DLG2: variants seen among roughly 807,000 people sequenced by gnomAD.
The protein encoded by DLG2 is discs large MAGUK scaffold protein 2.
In DLG2, 45 loss-of-function variants were observed where a neutral mutation model predicts 132.5. That is an observed-to-expected ratio of 0.34 (90% CI 0.27 to 0.44). The LOEUF is 0.44. Among genes scored for constraint, DLG2 ranks in the 20% least tolerant of loss-of-function variants. The pLI, the probability that DLG2 is intolerant of heterozygous loss-of-function variation, is 1.00. For synonymous variants in DLG2, 424 were observed against 419.6 expected, an observed-to-expected ratio of 1.01 and a Z score of -0.13; for missense variants, 1,045 against 1,196.9, an observed-to-expected ratio of 0.87 and a Z score of 1.87.
chr11:84,070,037 C>T (rs1263645611), intron 10 of DLG2, among the ~76,000 whole-genome samples: 1 of 152,216 alleles, frequency 6.6e-6, no homozygotes, highest in Admixed American at 6.5e-5. Flanking sequence ...TAATTAGCCC[C>T]TCTCCATTTC....
intron 8 of DLG2, among the ~76,000 whole-genome samples, chr11:84,220,806 G>T (rs2096904070): frequency 8.3e-6 from 1 of 120,436 alleles, no homozygotes; most frequent in Non-Finnish European, 1.6e-5. Context: ...TTTTTTGACA[G>T]GGTCTAGCTC....
At chr11:84,427,869 A>G (rs2098972061) in intron 7 of DLG2, among the ~76,000 whole-genome samples, 1 of 152,202 alleles carries the variant, frequency 6.6e-6, no homozygotes, top group Admixed American at 6.5e-5. Flanking sequence ...ACCCTGGTGA[A>G]AAGTTACCAG....
intron 3 of DLG2, among the ~76,000 whole-genome samples, chr11:85,447,480 C>A (rs2092062300): frequency 2.0e-5 from 3 of 152,074 alleles, no homozygotes; most frequent in Admixed American, 2.0e-4. Context: ...AGAAGGAAGA[C>A]CATATGACAA....
At chr11:84,480,938 G>A (rs117778069) in intron 7 of DLG2, among the ~76,000 whole-genome samples, 5 of 151,764 alleles carry the variant, frequency 3.3e-5, no homozygotes, top group Admixed American at 1.3e-4. Context: ...GGGATTTCAC[G>A]ATGTTGGCCA....
At chr11:85,505,868 AG>A (rs2093919281) in intron 3 of DLG2, among the ~76,000 whole-genome samples, 1 of 152,164 alleles carries the variant, frequency 6.6e-6, no homozygotes, top group African/African-American at 2.4e-5. Context: ...TGTGGTTGGT[AG>A]GCTATTAATT....
At chr11:85,435,940 C>A (rs1222220418) in intron 3 of DLG2, among the ~76,000 whole-genome samples, 1 of 152,112 alleles carries the variant, frequency 6.6e-6, no homozygotes, top group Non-Finnish European at 1.5e-5. Context: ...ACCAAAACAG[C>A]ATGGTACTAG....
At chr11:84,711,005 T>C (rs201264814) in intron 6 of DLG2, among the ~76,000 whole-genome samples, 1 of 64,376 alleles carries the variant, frequency 1.6e-5, no homozygotes, top group Non-Finnish European at 3.1e-5. Context: ...TTCATATATA[T>C]ATAGATATAT....
chr11:84,844,358 C>T (rs1389191452), intron 6 of DLG2, among the ~76,000 whole-genome samples: 2 of 151,494 alleles, frequency 1.3e-5, no homozygotes, highest in African/African-American at 4.8e-5. Context: ...AGAATACATA[C>T]AAAATGGGTA....
chr11:84,397,151 C>T (rs548920291), intron 7 of DLG2, among the ~76,000 whole-genome samples: 4 of 152,104 alleles, frequency 2.6e-5, no homozygotes, highest in South Asian at 4.2e-4. Flanking sequence ...AGGAAAAAGA[C>T]CTCAAGGAGG....
rs572067964 is a variant in DLG2 at position 85,175,986 on chromosome 11, A to G, written c.187-21335T>C. Among the ~76,000 whole-genome samples, 223 of 152,370 alleles carry G rather than the reference A, an allele frequency of 1.5e-3. 2 individuals carry two copies. Among genetic ancestry groups the G allele is most frequent in the Admixed American group, 2.0e-4 (3 of 15,306 alleles). On this transcript the variant is annotated intron_variant, in intron 4 of 27. Coordinates refer to ENST00000376104, the MANE Select transcript of DLG2 (RefSeq NM_001142699.3). The stretch of plus-strand genomic sequence containing the variant: ...AGAGGACAAAAACAAATGAAAAAAC[A>G]TTCCATGCTCATGGAGAGGAAGAAT...
In DLG2 at chr11:84,780,997, C is replaced by CAAAAAAAA. The variant is rs372443245; in HGVS notation, c.358-246274_358-246267dup. Among the ~76,000 whole-genome samples the CAAAAAAAA allele has an allele frequency of 1.2e-4, 11 of 93,974 alleles. 3 individuals carry two copies. The highest frequency in any genetic ancestry group is 1.1e-4 in the Admixed American group (1 of 8,780). 61.7% of individuals were successfully genotyped at this position (93,974 alleles called of 152,430 possible). A position where few individuals can be genotyped will look rare whatever the true frequency, so the allele number is the denominator to read the frequency against. On this transcript the variant is annotated intron_variant, in intron 6 of 27. Coordinates refer to ENST00000376104, the MANE Select transcript of DLG2 (RefSeq NM_001142699.3). ...TGAAGTGCTTTACTCCAGGATTGTACAAAAAAAAAAAAAAAAAGCGACAAG... is the reference window on the plus strand; with the variant it reads ...TGAAGTGCTTTACTCCAGGATTGTACAAAAAAAAAAAAAAAAAAAAAAAAAGCGACAAG...
At chr11:84,488,062 T>C (rs1249199666) in intron 7 of DLG2, among the ~76,000 whole-genome samples, 1 of 152,152 alleles carries the variant, frequency 6.6e-6, no homozygotes, top group Non-Finnish European at 1.5e-5. Flanking sequence ...ATCTTTGTGT[T>C]CTCTTTCTCT....
chr11:84,964,190 G>GA lies in DLG2; in HGVS notation c.357+147470dup, dbSNP rs202061288. 9.3e-3 allele frequency among the ~76,000 whole-genome samples: 1,404 copies of GA among 151,330 alleles called. 23 individuals are homozygous for GA. Among genetic ancestry groups the GA allele is most frequent in the African/African-American group, 0.031 (1,261 of 41,326 alleles). On this transcript the variant is annotated intron_variant, in intron 6 of 27. Coordinates refer to ENST00000376104, the MANE Select transcript of DLG2 (RefSeq NM_001142699.3). The stretch of plus-strand genomic sequence containing the variant: ...ATTTTCCCTTCTCTGGCATATATCA[G>GA]AAAAAAAACAGAAAAGTATTTGATT...
Position 84,870,822 on chromosome 11 carries a change from G to A in DLG2, c.357+240839C>T, listed in dbSNP as rs530681430. Among the ~76,000 whole-genome samples, 9 of 152,262 alleles carry A rather than the reference G, an allele frequency of 5.9e-5. No individual in the cohort carries two copies. The Middle Eastern group carries it at 0.01, about 173-fold the overall frequency. On this transcript the variant is annotated intron_variant, in intron 6 of 27. Coordinates refer to ENST00000376104, the MANE Select transcript of DLG2 (RefSeq NM_001142699.3). ...TTAATATCATCCTCTTCTTTCAGGG[G>A]AAGACATGCCCATGACAGAAGAGAT...
intron 3 of DLG2, among the ~76,000 whole-genome samples, chr11:85,384,582 G>C (rs1429220080): frequency 6.6e-6 from 1 of 152,024 alleles, no homozygotes; most frequent in Non-Finnish European, 1.5e-5. Context: ...TTGTTTGTTT[G>C]TTTTGAGAAA....
chr11:84,725,116 A>C (rs941782870), intron 6 of DLG2, among the ~76,000 whole-genome samples: 3 of 152,184 alleles, frequency 2.0e-5, no homozygotes, highest in African/African-American at 7.2e-5. Context: ...ACTATGGCTT[A>C]TTCGAGTGAC....
At chr11:84,475,906 T>C (rs1043539269) in intron 7 of DLG2, among the ~76,000 whole-genome samples, 1 of 152,024 alleles carries the variant, frequency 6.6e-6, no homozygotes, top group Non-Finnish European at 1.5e-5. Context: ...TATTTTTCCA[T>C]TTTGCAAAAA....
At chr11:84,095,545 C>A (rs1175984022) in intron 10 of DLG2, among the ~76,000 whole-genome samples, 1 of 152,188 alleles carries the variant, frequency 6.6e-6, no homozygotes, top group African/African-American at 2.4e-5. Context: ...TCCTGTCACA[C>A]TGAGAAAAGA....
At chr11:84,041,996 A>G (rs902856734) in intron 11 of DLG2, among the ~76,000 whole-genome samples, 15 of 151,862 alleles carry the variant, frequency 9.9e-5, no homozygotes, top group Admixed American at 9.9e-4. Context: ...TTCACCTTCC[A>G]CCATGATTGT....
Sources: gnomAD v4.1 joint callset for allele counts (sites outside exome capture counted in the v4.1 genomes callset) on GRCh38, gnomAD v4.1.1 for gene constraint, MANE v1.5 for transcripts, NCBI Gene and HGNC (gene_info 2026-07-23, HGNC 2026-07-21) for gene names.